PSMA1: variants seen among roughly 807,000 people sequenced by gnomAD.
The protein encoded by PSMA1 is proteasome subunit alpha type-1.
Under a neutral mutation model 38.4 loss-of-function variants are expected in PSMA1, and 3 were observed. The ratio of observed to expected loss-of-function variants is 0.08; its 90% CI spans 0.04 to 0.20. PSMA1 has a LOEUF of 0.20. Among genes scored for constraint, PSMA1 ranks in the 10% least tolerant of loss-of-function variants. The pLI is 1.00. For missense variants in PSMA1, 227 were observed against 325.3 expected (o/e 0.70, Z 2.32); for synonymous variants, 101 against 107.1 (o/e 0.94, Z 0.35).
chr11:14,564,610 A>C (rs1428191766), intron 2 of PSMA1, among the ~76,000 whole-genome samples: 1 of 152,170 alleles, frequency 6.6e-6, no homozygotes, highest in South Asian at 2.1e-4. Flanking sequence ...CTTTTAAAGA[A>C]ATTGCCAAAC....
chr11:14,530,010 C>T (rs1418433890), intron 2 of PSMA1, among the ~76,000 whole-genome samples: 1 of 152,180 alleles, frequency 6.6e-6, no homozygotes, highest in Non-Finnish European at 1.5e-5. Context: ...CTATTTTGCT[C>T]ACCACTGCAT....
chr11:14,516,800 C>T (rs1266491300), intron 4 of PSMA1, among the ~76,000 whole-genome samples: 1 of 152,134 alleles, frequency 6.6e-6, no homozygotes, highest in East Asian at 1.9e-4. Flanking sequence ...GTGGCGGGTG[C>T]CTGTAATCCC....
upstream of PSMA1, among the ~76,000 whole-genome samples, chr11:14,520,916 T>G (rs965754904): frequency 6.6e-6 from 1 of 152,266 alleles, no homozygotes; most frequent in African/African-American, 2.4e-5. Flanking sequence ...CCTTATTCCC[T>G]GGAGATGTTA....
intron 2 of PSMA1, among the ~76,000 whole-genome samples, chr11:14,596,141 C>G (rs914065239): frequency 1.2e-4 from 19 of 152,190 alleles, no homozygotes; most frequent in African/African-American, 2.9e-4. Context: ...GTTTTGGTTA[C>G]TGTTGGCTTG....
intron 2 of PSMA1, among the ~76,000 whole-genome samples, chr11:14,584,597 C>A (rs1177147458): frequency 6.7e-6 from 1 of 149,128 alleles, no homozygotes; most frequent in Non-Finnish European, 1.5e-5. Context: ...AAGCTCTCAA[C>A]AAGAATGAGC....
intron 2 of PSMA1, among the ~76,000 whole-genome samples, chr11:14,551,914 T>C (rs946753683): frequency 3.3e-5 from 5 of 152,244 alleles, no homozygotes; most frequent in Admixed American, 3.3e-4. Context: ...TTTTATCCTC[T>C]CTATATTTTC....
intron 2 of PSMA1, among the ~76,000 whole-genome samples, chr11:14,533,580 CTTTTCT>C (rs1851672016): frequency 2.0e-5 from 2 of 97,930 alleles, no homozygotes; most frequent in Admixed American, 1.1e-4. Context: ...TTTTTCTTTT[CTTTTCT>C]TTTTTTTTTT....
At chr11:14,575,386 T>G (rs2134180468) in intron 2 of PSMA1, among the ~76,000 whole-genome samples, 1 of 152,196 alleles carries the variant, frequency 6.6e-6, no homozygotes, top group African/African-American at 2.4e-5. Context: ...ATTAGGTATA[T>G]CTCCTAATGC....
chr11:14,596,258 TA>T (rs1272696316), intron 2 of PSMA1, among the ~76,000 whole-genome samples: 8 of 152,244 alleles, frequency 5.3e-5, no homozygotes, highest in African/African-American at 1.7e-4. Flanking sequence ...AACTTTAAAG[TA>T]ATTTTTTCCA....
intron 1 of PSMA1, among the ~76,000 whole-genome samples, chr11:14,638,551 A>C (rs1487760165): frequency 0.094 from 1,107 of 11,756 alleles, 16 homozygotes; most frequent in African/African-American, 0.15. Flanking sequence ...CTCTCTATAT[A>C]TATATATATA....
chr11:14,616,558 T>C (rs1282518761), intron 1 of PSMA1, among the ~76,000 whole-genome samples: 1 of 152,092 alleles, frequency 6.6e-6, no homozygotes, highest in Non-Finnish European at 1.5e-5. Context: ...TAATAACACT[T>C]TTTCCTGCTT....
intron 2 of PSMA1, among the ~76,000 whole-genome samples, chr11:14,609,388 AAC>A (rs1174626088): frequency 1.3e-5 from 2 of 152,210 alleles, no homozygotes; most frequent in African/African-American, 4.8e-5. Flanking sequence ...CAGCTAATAA[AAC>A]AGACAAAGAT....
At chr11:14,614,891 T>C (rs915126913) in intron 1 of PSMA1, among the ~76,000 whole-genome samples, 1 of 152,216 alleles carries the variant, frequency 6.6e-6, no homozygotes. Context: ...TTTTCTAACT[T>C]AAACTATGCT....
chr11:14,627,416 T>C (rs1262225860), intron 1 of PSMA1, among the ~76,000 whole-genome samples: 1 of 152,310 alleles, frequency 6.6e-6, no homozygotes, highest in Non-Finnish European at 1.5e-5. Context: ...GGGGTTAGCA[T>C]TCAGCAACTG....
rs548747623 is a variant in PSMA1 at position 14,505,925 on chromosome 11, C to T, written c.736-677G>A. On this transcript the variant is annotated intron_variant, in intron 9 of 9. Coordinates refer to ENST00000396394, the MANE Select transcript of PSMA1 (RefSeq NM_002786.4). ...GTGGCGCGGGGGAAGGTAGGAGAAT[C>T]GCTTGAGCCCAGGAGTTCAACCTTG... 3.3e-5 allele frequency among the ~76,000 whole-genome samples: 5 copies of T among 152,200 alleles called. No homozygotes were observed. In the South Asian group the frequency reaches 8.3e-4, roughly 25 times the overall value.
At chr11:14,605,591 T>G (rs181017589) in intron 2 of PSMA1, among the ~76,000 whole-genome samples, 26 of 152,258 alleles carry the variant, frequency 1.7e-4, no homozygotes, top group Admixed American at 1.4e-3. Context: ...CTCACTATGT[T>G]GCCCAGGCTG....
chr11:14,617,709 G>GTA (rs1852793021), intron 1 of PSMA1, among the ~76,000 whole-genome samples: 2 of 151,180 alleles, frequency 1.3e-5, no homozygotes, highest in African/African-American at 4.9e-5. Context: ...GTGTGTGTGT[G>GTA]TGTGTGTGTG....
At chr11:14,589,399 GTA>G (rs926740667) in intron 2 of PSMA1, among the ~76,000 whole-genome samples, 85 of 148,182 alleles carry the variant, frequency 5.7e-4, no homozygotes, top group Middle Eastern at 3.4e-3. Context: ...ATATGTGTGT[GTA>G]TATATATATG....
At chr11:14,582,578 C>T (rs775911789) in intron 2 of PSMA1, among the ~76,000 whole-genome samples, 4 of 152,222 alleles carry the variant, frequency 2.6e-5, no homozygotes, top group South Asian at 2.1e-4. Flanking sequence ...AGTATAGTGG[C>T]GCCATCTTGG....
Sources: allele counts gnomAD v4.1 joint callset (sites outside exome capture counted in the v4.1 genomes callset), GRCh38; gene constraint gnomAD v4.1.1; transcripts MANE v1.5; gene names NCBI Gene and HGNC (gene_info 2026-07-23, HGNC 2026-07-21).